The following STK17B variants were observed in gnomAD, a reference collection of about 807,000 sequenced individuals.
The protein encoded by STK17B is serine/threonine-protein kinase 17B.
A neutral mutation model predicts 42.0 loss-of-function variants in STK17B; 21 were observed. The observed-to-expected ratio is 0.50, with a 90% CI of 0.35 to 0.72. The LOEUF is 0.72. Among genes scored for constraint, STK17B ranks in the 30% least tolerant of loss-of-function variants. The probability of loss-of-function intolerance (pLI) is 0.00; values close to 1 mark genes in which losing one functional copy is unlikely to be tolerated. For synonymous variants in STK17B, 143 were observed against 148.4 expected (o/e 0.96, Z 0.26); for missense variants, 349 against 446.0 (o/e 0.78, Z 1.96).
intron 2 of STK17B, among the ~76,000 whole-genome samples, chr2:196,158,520 A>G (rs529004811): frequency 1.5e-4 from 23 of 152,178 alleles, no homozygotes; most frequent in Non-Finnish European, 2.8e-4. Context: ...TTCGATGAGC[A>G]CACACACACA....
intron 6 of STK17B, 60 bp from the exon 7 acceptor site, chr2:196,139,859 T>A: frequency 1.3e-5 from 16 of 1,236,050 alleles, no homozygotes; most frequent in Non-Finnish European, 1.7e-5. Context: ...TTATACAAAG[T>A]ACAATCGACA....
chr2:196,153,847 T>C (rs1446535712), intron 3 of STK17B: 3 of 152,172 alleles, frequency 2.0e-5, no homozygotes, highest in Admixed American at 2.0e-4. Context: ...TAATGGGTTA[T>C]TTTCCATTAA....
At chr2:196,147,264 T>C (rs1699589670) in intron 3 of STK17B, among the ~76,000 whole-genome samples, 1 of 151,930 alleles carries the variant, frequency 6.6e-6, no homozygotes, top group Admixed American at 6.6e-5. Flanking sequence ...ACTCTATTTT[T>C]ACTTCTTTGG....
At position 196,146,016 on chromosome 2, in the gene STK17B, C is replaced by T. The variant is rs1699567961; in HGVS notation, c.375G>A (p.Glu125=). The change falls in exon 4 of 8, where the codon GAG becomes GAA. Residue 125 remains glutamate, a synonymous_variant. Coordinates refer to ENST00000263955, the MANE Select transcript of STK17B (RefSeq NM_004226.4). Reference sequence around the variant, plus strand: ...CATTTTCAGAAACCATTTCAGCCAACTCAGGTAAACACAGGCTGAAAATTT... The same window carrying T: ...CATTTTCAGAAACCATTTCAGCCAATTCAGGTAAACACAGGCTGAAAATTT... ...GGEIFSLCLP[E]LAEMVSENDV... 1 of 1,603,902 alleles carries T rather than the reference C, an allele frequency of 6.2e-7. No individual in the cohort carries two copies. Among genetic ancestry groups the T allele is most frequent in the African/African-American group, 1.3e-5 (1 of 74,352 alleles).
chr2:196,173,287 A>G (rs1699969479), upstream of STK17B, among the ~76,000 whole-genome samples: 4 of 152,146 alleles, frequency 2.6e-5, no homozygotes, highest in Admixed American at 2.0e-4. Flanking sequence ...ATACCTGTTC[A>G]TCAGTTTCTG....
upstream of STK17B, among the ~76,000 whole-genome samples, chr2:196,174,754 A>G (rs951411884): frequency 6.6e-6 from 1 of 152,252 alleles, no homozygotes; most frequent in African/African-American, 2.4e-5. Flanking sequence ...CCTACAGCAC[A>G]TTGCAATTTT....
chr2:196,144,517 A>C lies in STK17B; in HGVS notation c.481-831T>G, dbSNP rs867349622. On this transcript the variant is annotated intron_variant, in intron 4 of 7. Transcript: ENST00000263955. Reference sequence around the variant, plus strand: ...AAAAAAAAAAAAAAAAAAAAAAAAAAAAAAAAAAGAACAACAGAAAGGTGC... The same window carrying C: ...AAAAAAAAAAAAAAAAAAAAAAAAACAAAAAAAAGAACAACAGAAAGGTGC... Among the ~76,000 whole-genome samples, 1,299 of 138,398 alleles carry C rather than the reference A, an allele frequency of 9.4e-3. 44 individuals carry two copies. The highest frequency in any genetic ancestry group is 0.032 in the African/African-American group (1,232 of 38,346). 90.8% of individuals were successfully genotyped at this position (138,398 alleles called of 152,430 possible).
chr2:196,141,995 G>T lies in STK17B; in HGVS notation c.608-698C>A, dbSNP rs565867294. ...AGATTAATTTAGGTTTTTCTTTTGG[G>T]GTAAATAGGATCATGTGCATCTGCA... is the stretch of plus-strand genomic sequence containing the variant. On this transcript the variant is annotated intron_variant, in intron 5 of 7. Coordinates refer to ENST00000263955, the MANE Select transcript of STK17B (RefSeq NM_004226.4). Among the ~76,000 whole-genome samples the T allele has an allele frequency of 7.9e-5, 12 of 152,076 alleles. No homozygotes were observed. The East Asian group carries it at 1.9e-3, about 24-fold the overall frequency.
intron 4 of STK17B, 118 bp from the exon 5 acceptor site, chr2:196,143,804 G>A (rs1224717683): frequency 3.1e-6 from 3 of 972,010 alleles, no homozygotes; most frequent in Non-Finnish European, 4.2e-6. Flanking sequence ...ATTGAGTCAT[G>A]CATCAAACAT....
chr2:196,149,016 T>C (rs867469656), intron 3 of STK17B, among the ~76,000 whole-genome samples: 3 of 152,210 alleles, frequency 2.0e-5, no homozygotes. Context: ...AATAATAGAA[T>C]AGCTCCTACT....
At chr2:196,144,453 A>C (rs1466817069) in intron 4 of STK17B, among the ~76,000 whole-genome samples, 1 of 137,460 alleles carries the variant, frequency 7.3e-6, no homozygotes, top group Non-Finnish European at 1.6e-5. Context: ...CACCACTGCA[A>C]TTCAGCCTGG....
At chr2:196,154,207 C>G (rs1448752976) in intron 3 of STK17B, 1 of 149,614 alleles carries the variant, frequency 6.7e-6, no homozygotes, top group Non-Finnish European at 1.5e-5. Flanking sequence ...GCACTCGAGC[C>G]TGGTGACAGA....
upstream of STK17B, among the ~76,000 whole-genome samples, chr2:196,172,396 ACATACT>A (rs1370145736): frequency 6.6e-6 from 1 of 152,256 alleles, no homozygotes; most frequent in East Asian, 1.9e-4. Flanking sequence ...TAGGATACAC[ACATACT>A]CATACATATA....
rs768851113 is a variant in STK17B, at chr2:196,137,553, T to G, written c.1013A>C (p.Glu338Ala). 6.2e-7 allele frequency: 1 copy of G among 1,614,130 alleles called. No homozygotes were observed. The highest frequency in any genetic ancestry group is 1.1e-5 in the South Asian group (1 of 91,082). Residue 338 changes from glutamate to alanine, a missense_variant, in exon 8 of 8, where the codon GAA becomes GCA. Coordinates refer to ENST00000263955, the MANE Select transcript of STK17B (RefSeq NM_004226.4). The part of the protein sequence containing the change: ...SSCNGTCGDR[E>A]DKENIPEDSS... ...ATCCTCTGGGATATTCTCTTTGTCT[T>G]CTCTATCACCACAGGTTCCATTACA...
rs879249964 is a variant in STK17B at position 196,136,588 on chromosome 2, A to G, written c.*859T>C. ...CAGTAAGCTGTCTGAGTGTGTCAAC[A>G]TTTTCTTCTATATTCAATTAATAAA... On this transcript the variant is annotated 3_prime_UTR_variant, in exon 8 of 8. Coordinates refer to ENST00000263955, the MANE Select transcript of STK17B (RefSeq NM_004226.4). 6.6e-6 allele frequency: 1 copy of G among 152,208 alleles called. No individual in the cohort carries two copies. The highest frequency in any genetic ancestry group is 1.5e-5 in the Non-Finnish European group (1 of 68,042). The allele number at this position is 152,208 out of a possible 1,614,324, so 9.4% of individuals were successfully genotyped here. A position where few individuals can be genotyped will look rare whatever the true frequency, so the allele number is the denominator to read the frequency against.
intron 1 of STK17B, among the ~76,000 whole-genome samples, chr2:196,166,808 T>C (rs1699879552): frequency 1.3e-5 from 2 of 152,202 alleles, no homozygotes; most frequent in Admixed American, 1.3e-4. Context: ...AACCTCTAGC[T>C]CTATTTTAAA....
intron 5 of STK17B, among the ~76,000 whole-genome samples, chr2:196,142,065 C>CT (rs1457717895): frequency 1.3e-5 from 2 of 151,980 alleles, no homozygotes; most frequent in Non-Finnish European, 2.9e-5. Flanking sequence ...GCTAGATTTT[C>CT]TTTTTTCTGA....
chr2:196,166,382 C>T (rs780406550), intron 1 of STK17B: 15 of 152,136 alleles, frequency 9.9e-5, no homozygotes, highest in Non-Finnish European at 8.8e-5. Context: ...AATTCCCAGG[C>T]CTTTTCTTGT....
chr2:196,175,902 G>A (rs1223395445), upstream of STK17B, among the ~76,000 whole-genome samples: 6 of 152,156 alleles, frequency 3.9e-5, no homozygotes, highest in African/African-American at 1.4e-4. Flanking sequence ...TTTTAGAAGG[G>A]AAGAAACCTA....
Sources: gnomAD v4.1 joint callset for allele counts (sites outside exome capture counted in the v4.1 genomes callset) on GRCh38, gnomAD v4.1.1 for gene constraint, MANE v1.5 for transcripts, NCBI Gene and HGNC (gene_info 2026-07-23, HGNC 2026-07-21) for gene names.